Variants in NEURL1 observed in about 807,000 individuals in gnomAD.
NEURL1 encodes neuralized E3 ubiquitin protein ligase 1.
A neutral mutation model predicts 41.2 loss-of-function variants in NEURL1; 26 were observed. That is an observed-to-expected ratio of 0.63 (90% CI 0.46 to 0.87). The LOEUF (loss-of-function observed/expected upper bound fraction) is 0.87, where lower values mean the gene tolerates loss of function less well. Among genes scored for constraint, NEURL1 ranks in the 40% least tolerant of loss-of-function variants. NEURL1 has a pLI of 0.00. For synonymous variants in NEURL1, 400 were observed against 402.3 expected (o/e 0.99, Z 0.07); for missense variants, 761 against 871.1 (o/e 0.87, Z 1.59).
At chr10:103,565,417 G>C (rs951850676) in intron 1 of NEURL1, among the ~76,000 whole-genome samples, 1 of 152,200 alleles carries the variant, frequency 6.6e-6, no homozygotes, top group Non-Finnish European at 1.5e-5. Flanking sequence ...CAGCTATGAA[G>C]TGCTCTCTCT....
chr10:103,567,425 C>T, intron 1 of NEURL1, among the ~76,000 whole-genome samples: 1 of 152,128 alleles, frequency 6.6e-6, no homozygotes. Flanking sequence ...CTCACTCTCA[C>T]CCAGGTTGGA....
At chr10:103,533,225 C>T (rs570287672) in intron 1 of NEURL1, among the ~76,000 whole-genome samples, 1 of 149,018 alleles carries the variant, frequency 6.7e-6, no homozygotes, top group Admixed American at 6.7e-5. Flanking sequence ...CTGTGCCTGG[C>T]CCTTCTCTTC....
intron 1 of NEURL1, among the ~76,000 whole-genome samples, chr10:103,563,065 C>T (rs1031386902): frequency 2.6e-5 from 4 of 152,176 alleles, no homozygotes; most frequent in Non-Finnish European, 4.4e-5. Context: ...TGCAGTTAAA[C>T]GAGTCCATAT....
intron 1 of NEURL1, among the ~76,000 whole-genome samples, chr10:103,561,859 G>A (rs890855893): frequency 2.0e-5 from 3 of 152,214 alleles, no homozygotes; most frequent in African/African-American, 7.2e-5. Flanking sequence ...TTCTTGAGCA[G>A]GCAGGGCTGT....
At position 103,558,364 on chromosome 10, in the gene NEURL1, A is replaced by G. The variant is rs2035204853; in HGVS notation, c.86-12508A>G. On this transcript the variant is annotated intron_variant, in intron 1 of 5. Transcript: ENST00000369780. This position sits in a 1 kb window ranked among gnomAD's most constrained non-coding sequence, Gnocchi z 4.2. The stretch of plus-strand genomic sequence containing the variant: ...GGCTCTCTGAGCTTCTGATGTCAAC[A>G]GATGTGTATCTGTGTTTTAGATCTC... 2.3e-6 allele frequency: 1 copy of G among 440,616 alleles called. No individual in the cohort carries two copies. Among genetic ancestry groups the G allele is most frequent in the African/African-American group, 2.1e-5 (1 of 46,764 alleles). 27.3% of individuals were successfully genotyped at this position (440,616 alleles called of 1,614,324 possible).
At chr10:103,559,254 C>T (rs1189124865) in intron 1 of NEURL1, among the ~76,000 whole-genome samples, 4 of 152,172 alleles carry the variant, frequency 2.6e-5, no homozygotes, top group African/African-American at 7.2e-5. Flanking sequence ...AGGGGAGCTC[C>T]GGAGCTTGAA....
chr10:103,532,873 T>C (rs2034599787), intron 1 of NEURL1, among the ~76,000 whole-genome samples: 1 of 151,620 alleles, frequency 6.6e-6, no homozygotes, highest in South Asian at 2.1e-4. Flanking sequence ...AGTTTTCAGC[T>C]ATTATTTCAT....
intron 1 of NEURL1, among the ~76,000 whole-genome samples, chr10:103,551,202 C>T (rs1032321907): frequency 1.3e-5 from 2 of 151,866 alleles, no homozygotes; most frequent in East Asian, 1.9e-4. Context: ...GTATAGTGGG[C>T]ACTCAGTGAA....
In NEURL1 at chr10:103,495,832, G is replaced by A. The variant is rs191124982; in HGVS notation, c.85+1360G>A. ...TTAAAAATATCAATTTGTTGGCAGG[G>A]TGCGGTGGCTCACGCCTGTAATCCG... On this transcript the variant is annotated intron_variant, in intron 1 of 5. Transcript: ENST00000369780. 4.9e-4 allele frequency among the ~76,000 whole-genome samples: 74 copies of A among 152,352 alleles called. 1 individual carries two copies. In the East Asian group the frequency reaches 0.014, roughly 29 times the overall value.
Position 103,589,620 on chromosome 10 carries a change from C to T in NEURL1, c.1446C>T (p.Leu482=), listed in dbSNP as rs774966562. ...GCAGCCGCCTGTCTGACCCCTTGCTCAGCACGTGCAGCTCTGGCCCTCTGG... is the reference window on the plus strand; with the variant it reads ...GCAGCCGCCTGTCTGACCCCTTGCTTAGCACGTGCAGCTCTGGCCCTCTGG... The part of the protein sequence containing the change: ...ALGSRLSDPL[L]STCSSGPLGS... Residue 482 remains leucine (L), a synonymous_variant, in exon 5 of 6, where the codon CTC becomes CTT. Coordinates refer to ENST00000369780, the MANE Select transcript of NEURL1 (RefSeq NM_004210.5). The T allele has an allele frequency of 7.4e-5, 119 of 1,613,660 alleles. 1 individual carries two copies. The South Asian group carries it at 7.9e-4, about 11-fold the overall frequency.
In NEURL1 at chr10:103,584,874, C is replaced by A; in HGVS notation, c.988C>A (p.Arg330=). 1 of 1,426,710 alleles carries A rather than the reference C, an allele frequency of 7.0e-7. No homozygotes were observed. The highest frequency in any genetic ancestry group is 1.4e-5 in the South Asian group (1 of 69,204). 88.4% of individuals were successfully genotyped at this position (1,426,710 alleles called of 1,614,324 possible). Residue 330 remains arginine (R), a synonymous_variant, in exon 4 of 6, where the codon CGG becomes AGG. Coordinates refer to ENST00000369780, the MANE Select transcript of NEURL1 (RefSeq NM_004210.5). The part of the protein sequence containing the change: ...RDERALVFTS[R]PVRVAETIFV... ...CGAGCGCGCGCTCGTCTTCACCAGC[C>A]GGCCCGTGCGCGTGGCCGAGACCAT...
At chr10:103,518,970 C>T (rs897747492) in intron 1 of NEURL1, among the ~76,000 whole-genome samples, 6 of 152,080 alleles carry the variant, frequency 3.9e-5, no homozygotes, top group African/African-American at 1.4e-4. Flanking sequence ...CTTTTATAGG[C>T]GCAGTGTCTC....
At chr10:103,555,518 T>G (rs1398585539) in intron 1 of NEURL1, 4 of 1,011,744 alleles carry the variant, frequency 4.0e-6, no homozygotes, top group Non-Finnish European at 5.3e-6. Flanking sequence ...ATGCCCCTAC[T>G]TCTCACTCCA....
intron 1 of NEURL1, among the ~76,000 whole-genome samples, chr10:103,521,331 A>C (rs2034344197): frequency 6.6e-6 from 1 of 152,214 alleles, no homozygotes; most frequent in African/African-American, 2.4e-5. Context: ...TGGCCTTCTC[A>C]GACCCTGTGG....
chr10:103,558,432 C>A lies in NEURL1; in HGVS notation c.86-12440C>A, dbSNP rs1387758483. Among the ~76,000 whole-genome samples, 7 of 151,596 alleles carry A rather than the reference C, an allele frequency of 4.6e-5. No individual in the cohort carries two copies. The highest frequency in any genetic ancestry group is 4.6e-4 in the Admixed American group (7 of 15,186). On this transcript the variant is annotated intron_variant, in intron 1 of 5. Transcript: ENST00000369780. This position sits in a 1 kb window ranked among gnomAD's most constrained non-coding sequence, Gnocchi z 4.2. ...TGTCTCTAACTGTGGATTGAAGCGA[C>A]TGTGTGTTGCCGGGCCTGTGTTTCC...
chr10:103,495,590 T>C (rs2033663938), intron 1 of NEURL1, among the ~76,000 whole-genome samples: 2 of 152,192 alleles, frequency 1.3e-5, no homozygotes, highest in South Asian at 2.1e-4. Context: ...CGCTAGGTGC[T>C]AGGCTGTAGA....
intron 1 of NEURL1, among the ~76,000 whole-genome samples, chr10:103,564,770 A>T (rs989413752): frequency 1.1e-4 from 17 of 152,198 alleles, no homozygotes; most frequent in African/African-American, 4.1e-4. Context: ...GGGAAGCCCC[A>T]CCTCCAGCTG....
chr10:103,560,081 ACACT>A (rs750208448), intron 1 of NEURL1, among the ~76,000 whole-genome samples: 17 of 152,010 alleles, frequency 1.1e-4, no homozygotes, highest in Middle Eastern at 3.4e-3. Context: ...ACACACATAC[ACACT>A]CACCTGCTGC....
chr10:103,550,084 T>G lies in NEURL1; in HGVS notation c.86-20788T>G, dbSNP rs534070323. ...TTCCCCAGTGAATTTGTTCCATGTT[T>G]TATTCTGGAGTTGCTGGCTCTGCCT... On this transcript the variant is annotated intron_variant, in intron 1 of 5. Coordinates refer to ENST00000369780, the MANE Select transcript of NEURL1 (RefSeq NM_004210.5). 2.0e-5 allele frequency among the ~76,000 whole-genome samples: 3 copies of G among 152,360 alleles called. No individual in the cohort carries two copies. The South Asian group carries it at 6.2e-4, about 32-fold the overall frequency.
Sources: allele counts gnomAD v4.1 joint callset (sites outside exome capture counted in the v4.1 genomes callset), GRCh38; gene constraint gnomAD v4.1.1; non-coding constraint Gnocchi (gnomAD v3.1); transcripts MANE v1.5; gene names NCBI Gene and HGNC (gene_info 2026-07-23, HGNC 2026-07-21).